Variants in CACNA1H observed in about 807,000 individuals in gnomAD.
CACNA1H encodes the protein calcium voltage-gated channel subunit alpha1 H, also known as voltage-dependent T-type calcium channel subunit alpha-1H.
In CACNA1H, 149 loss-of-function variants were observed where a neutral mutation model predicts 192.5. That is an observed-to-expected ratio of 0.77 (90% confidence interval 0.68 to 0.89). CACNA1H has a LOEUF of 0.89. Ranked by LOEUF, CACNA1H falls within the 40% of genes least tolerant of loss-of-function variation. The pLI is 0.00. For synonymous variants in CACNA1H, 2,202 were observed against 1,475.2 expected, an observed-to-expected ratio of 1.49 and a Z score of -11.29; for missense variants, 4,257 against 3,423.5, an observed-to-expected ratio of 1.24 and a Z score of -6.08.
chr16:1,157,103 G>A (rs567820746), intron 2 of CACNA1H: 5 of 152,322 alleles, frequency 3.3e-5, no homozygotes, highest in East Asian at 3.9e-4. Context: ...GTTCGCCTGC[G>A]ACACAGCTGC....
At chr16:1,208,352 T>G in intron 16 of CACNA1H, 131 bp downstream of exon 16, 1 of 695,498 alleles carries the variant, frequency 1.4e-6, no homozygotes, top group African/African-American at 1.8e-5. Flanking sequence ...GTGCAGAGAC[T>G]GAGAAAGAGT....
At chr16:1,159,171 C>T (rs891489165) in intron 2 of CACNA1H, among the ~76,000 whole-genome samples, 2 of 152,188 alleles carry the variant, frequency 1.3e-5, no homozygotes, top group African/African-American at 4.8e-5. Flanking sequence ...ATGGCCAGTT[C>T]CCCGCAGAGT....
chr16:1,210,222 A>G, intron 18 of CACNA1H, 87 bp downstream of exon 18: 3 of 1,286,396 alleles, frequency 2.3e-6, no homozygotes, highest in Admixed American at 2.0e-5. Context: ...GGGCTAGCAC[A>G]TGGTGGATAT....
Position 1,220,879 on chromosome 16 carries a change from A to AC in CACNA1H, c.6953dup (p.Glu2319ArgfsTer33), listed in dbSNP as rs750261505. Reference sequence around the variant, plus strand: ...TCAGAGCCTCCCATGCCCGTCGGTGACCCCCCAGAGAAGAGGCGGGGGCTG... The same window carrying AC: ...TCAGAGCCTCCCATGCCCGTCGGTGACCCCCCCAGAGAAGAGGCGGGGGCTG... On this transcript the variant is annotated frameshift_variant, in exon 35 of 35. Coordinates refer to ENST00000348261, the MANE Select transcript of CACNA1H (RefSeq NM_021098.3). LOFTEE classifies it low-confidence loss of function (END_TRUNC). 22 of 1,612,004 alleles carry AC rather than the reference A, an allele frequency of 1.4e-5. No individual in the cohort carries two copies. Among genetic ancestry groups the AC allele is most frequent in the East Asian group, 4.5e-5 (2 of 44,834 alleles).
rs1968897317 is a variant in CACNA1H, at chr16:1,207,628, C to G, written c.3064-142C>G. The G allele has an allele frequency of 7.7e-6, 7 of 913,408 alleles. No individual in the cohort carries two copies. The East Asian group carries it at 1.6e-4, about 21-fold the overall frequency. The allele number at this position is 913,408 out of a possible 1,614,324, so 56.6% of individuals were successfully genotyped here. A position where few individuals can be genotyped will look rare whatever the true frequency, so the allele number is the denominator to read the frequency against. On this transcript the variant is annotated intron_variant, in intron 14 of 34. Transcript: ENST00000348261. ...TCGGGAGAGGCAGATTCCTCACCTA[C>G]CTGCCCACCCTGGCAGTGACATCAT...
chr16:1,200,956 G>A, intron 8 of CACNA1H, 148 bp downstream of exon 8: 1 of 674,632 alleles, frequency 1.5e-6, no homozygotes, highest in South Asian at 1.7e-5. Flanking sequence ...TTGCGGGGGT[G>A]GGGAGGTGTG....
chr16:1,198,428 A>T (rs888856841), intron 5 of CACNA1H, among the ~76,000 whole-genome samples, 187 bp from the exon 6 acceptor site: 2 of 151,830 alleles, frequency 1.3e-5, no homozygotes, highest in East Asian at 3.9e-4. Context: ...CGGTGGTGGT[A>T]GGAGGGGAGT....
chr16:1,189,101 G>A (rs1966351078), intron 2 of CACNA1H, among the ~76,000 whole-genome samples: 1 of 152,214 alleles, frequency 6.6e-6, no homozygotes, highest in Non-Finnish European at 1.5e-5. Context: ...GAGGCTGGGG[G>A]GCTGCCTTTG....
chr16:1,203,194 G>C (rs1407018028), intron 9 of CACNA1H, among the ~76,000 whole-genome samples: 3 of 152,190 alleles, frequency 2.0e-5, no homozygotes. Context: ...CCTAGCCCTT[G>C]AATTGTGGGA....
intron 2 of CACNA1H, among the ~76,000 whole-genome samples, chr16:1,172,293 C>T (rs919137246): frequency 6.6e-6 from 1 of 152,204 alleles, no homozygotes; most frequent in Non-Finnish European, 1.5e-5. Flanking sequence ...TCACCGCAGC[C>T]TTGCCTGTTG....
chr16:1,213,153 C>T (rs896434584), intron 26 of CACNA1H, among the ~76,000 whole-genome samples: 11 of 152,228 alleles, frequency 7.2e-5, no homozygotes, highest in African/African-American at 2.7e-4. Context: ...CCGGCAGACC[C>T]TAGACCACAG....
chr16:1,208,050 G>A lies in CACNA1H; in HGVS notation c.3192G>A (p.Gly1064=), dbSNP rs1417265301. ...KMCSLAVTPN[G]HLEGRGSLSP... ...GTTCCCTGGCCGTGACCCCCAACGG[G>A]CACCTGGAGGGACGAGGCAGCCTGT... Residue 1064 remains glycine (G), a synonymous_variant, in exon 16 of 35, where the codon GGG becomes GGA. Transcript: ENST00000348261. 1.2e-6 allele frequency: 2 copies of A among 1,607,106 alleles called. No individual in the cohort carries two copies. The highest frequency in any genetic ancestry group is 1.7e-5 in the Admixed American group (1 of 59,368).
At chr16:1,170,067 CGCCTCTCCAGGGCG>C (rs1596315868) in intron 2 of CACNA1H, among the ~76,000 whole-genome samples, 1 of 152,336 alleles carries the variant, frequency 6.6e-6, no homozygotes, top group East Asian at 1.9e-4. Context: ...CTCCCCCGCT[CGCCTCTCCAGGGCG>C]GCCTCCCGGC....
chr16:1,173,412 CGCTGGTGCGGACGGACGAA>C (rs1331667007), intron 2 of CACNA1H, among the ~76,000 whole-genome samples: 1 of 152,240 alleles, frequency 6.6e-6, no homozygotes, highest in African/African-American at 2.4e-5. Flanking sequence ...GGCCCCTTCA[CGCTGGTGCGGACGGACGAA>C]GCCCAAAGCC....
chr16:1,205,354 C>T (rs1468531997), intron 11 of CACNA1H, 89 bp downstream of exon 11: 3 of 1,359,564 alleles, frequency 2.2e-6, no homozygotes, highest in Middle Eastern at 1.9e-4. Context: ...ACCCAGAGCA[C>T]AGGAGGAAGT....
chr16:1,207,937 C>A, intron 15 of CACNA1H, 76 bp from the exon 16 acceptor site: 1 of 1,538,538 alleles, frequency 6.5e-7, no homozygotes, highest in Non-Finnish European at 8.8e-7. Flanking sequence ...CCCCATAAGG[C>A]AATCCCTAGG....
chr16:1,158,912 A>C (rs1402061912), intron 2 of CACNA1H, among the ~76,000 whole-genome samples: 2 of 149,260 alleles, frequency 1.3e-5, no homozygotes, highest in Middle Eastern at 3.2e-3. Context: ...CTGGCCCCGC[A>C]GAGCCCCCCC....
At chr16:1,183,442 C>G (rs771503890) in intron 2 of CACNA1H, among the ~76,000 whole-genome samples, 5 of 152,232 alleles carry the variant, frequency 3.3e-5, no homozygotes, top group Admixed American at 2.0e-4. Flanking sequence ...TTCCTCCTCC[C>G]TTGTCTCCAT....
chr16:1,174,410 G>A (rs1381134884), intron 2 of CACNA1H, among the ~76,000 whole-genome samples: 1 of 152,196 alleles, frequency 6.6e-6, no homozygotes. Context: ...AGGATGGGGG[G>A]CTCCATCTCG....
Sources: allele counts gnomAD v4.1 joint callset (sites outside exome capture counted in the v4.1 genomes callset), GRCh38; gene constraint gnomAD v4.1.1; transcripts MANE v1.5; gene names NCBI Gene and HGNC (gene_info 2026-07-23, HGNC 2026-07-21).